Variants in CCDC134 observed in about 807,000 individuals in gnomAD.
CCDC134 encodes the protein coiled-coil domain-containing protein 134.
CCDC134 carries 27 observed loss-of-function variants against 25.6 expected under a neutral mutation model. The observed-to-expected ratio is 1.05, with a 90% CI of 0.78 to 1.45. CCDC134 has a LOEUF of 1.45. CCDC134 is among the 40% of genes most tolerant of loss of function. The pLI, the probability that CCDC134 is intolerant of heterozygous loss-of-function variation, is 0.00. For synonymous variants in CCDC134, 110 were observed against 115.0 expected (o/e 0.96, Z 0.28); for missense variants, 261 against 286.7 (o/e 0.91, Z 0.65).
At chr22:41,811,590 G>A (rs1385854786) in intron 4 of CCDC134, among the ~76,000 whole-genome samples, 1 of 151,982 alleles carries the variant, frequency 6.6e-6, no homozygotes, top group Non-Finnish European at 1.5e-5. Context: ...CCCCAGGCCC[G>A]GCTAATTTTT....
chr22:41,814,582 G>A (rs1045458007), intron 6 of CCDC134, among the ~76,000 whole-genome samples: 2 of 151,942 alleles, frequency 1.3e-5, no homozygotes, highest in African/African-American at 4.8e-5. Flanking sequence ...AAAAAAAAGG[G>A]GGGACAGATA....
Position 41,825,722 on chromosome 22 carries a change from C to A in CCDC134, c.589C>A (p.Gln197Lys). 1 of 1,614,122 alleles carries A rather than the reference C, an allele frequency of 6.2e-7. No homozygotes were observed. The highest frequency in any genetic ancestry group is 8.5e-7 in the Non-Finnish European group (1 of 1,180,000). The change falls in exon 7 of 7, where the codon CAG (glutamine) becomes AAG (lysine). Residue 197 changes from glutamine to lysine, a missense_variant. Transcript: ENST00000255784. The surrounding 1 kb of genome is among the most constrained non-coding windows in gnomAD (Gnocchi z 4.4). ...TEFIPSTDPF[Q>K]KALREEEKRR... ...GTTCATTCCCAGCACTGACCCTTTC[C>A]AGAAGGCCCTGAGAGAAGAAGAGAA...
In CCDC134 at chr22:41,829,110, C is replaced by T. The variant is rs538647463; in HGVS notation, c.*3287C>T. ...GGTGCCTGTAGCAGTCCCCCAGTTA[C>T]GACAACCAAAAATGTGTCCAGACAT... On this transcript the variant is annotated 3_prime_UTR_variant, in exon 7 of 7. Transcript: ENST00000255784. 3.3e-5 allele frequency among the ~76,000 whole-genome samples: 5 copies of T among 152,274 alleles called. No homozygotes were observed. Among genetic ancestry groups the T allele is most frequent in the South Asian group, 4.2e-4 (2 of 4,818 alleles).
chr22:41,818,821 G>A (rs1426922720), intron 6 of CCDC134, among the ~76,000 whole-genome samples: 1 of 152,224 alleles, frequency 6.6e-6, no homozygotes, highest in Non-Finnish European at 1.5e-5. Flanking sequence ...AAACATGTGT[G>A]GACACTCAAG....
At position 41,830,022 on chromosome 22, in the gene CCDC134, C is replaced by T. The variant is rs935211150; in HGVS notation, c.*4199C>T. Among the ~76,000 whole-genome samples the T allele has an allele frequency of 2.6e-5, 4 of 152,182 alleles. No individual in the cohort carries two copies. Among genetic ancestry groups the T allele is most frequent in the East Asian group, 1.9e-4 (1 of 5,196 alleles). On this transcript the variant is annotated 3_prime_UTR_variant, in exon 7 of 7. Coordinates refer to ENST00000255784, the MANE Select transcript of CCDC134 (RefSeq NM_024821.5). ...TCTTGACTTCGTGATCTGCCTGCCT[C>T]GGCCTCCTAAAGTGCTGGGATTACA... is the stretch of plus-strand genomic sequence containing the variant.
At chr22:41,818,835 A>G (rs1433567570) in intron 6 of CCDC134, among the ~76,000 whole-genome samples, 2 of 152,252 alleles carry the variant, frequency 1.3e-5, no homozygotes, top group Non-Finnish European at 2.9e-5. Flanking sequence ...ACTCAAGGCC[A>G]TGGCAGATTG....
chr22:41,818,025 T>C (rs1310503821), intron 6 of CCDC134, among the ~76,000 whole-genome samples: 2 of 152,082 alleles, frequency 1.3e-5, no homozygotes, highest in African/African-American at 2.4e-5. Context: ...CTCCCAGGCT[T>C]GATGGTTCAA....
rs2076689728 is a variant in CCDC134, at chr22:41,828,452, G to A, written c.*2629G>A. ...AACTATCTCCTCATCTGCCCCTTCTGGCACCTCCTTCCTCCTGGGCTCTTT... is the reference window on the plus strand; with the variant it reads ...AACTATCTCCTCATCTGCCCCTTCTAGCACCTCCTTCCTCCTGGGCTCTTT... On this transcript the variant is annotated 3_prime_UTR_variant, in exon 7 of 7. Transcript: ENST00000255784. Among the ~76,000 whole-genome samples, 1 of 152,088 alleles carries A rather than the reference G, an allele frequency of 6.6e-6. No individual in the cohort carries two copies. Among genetic ancestry groups the A allele is most frequent in the African/African-American group, 2.4e-5 (1 of 41,392 alleles).
At chr22:41,804,445 A>G (rs2076558546) in intron 1 of CCDC134, among the ~76,000 whole-genome samples, 2 of 152,220 alleles carry the variant, frequency 1.3e-5, no homozygotes, top group South Asian at 4.1e-4. Context: ...CCAGTATACA[A>G]GTAGATAATG....
intron 6 of CCDC134, among the ~76,000 whole-genome samples, chr22:41,821,023 C>T (rs567463317): frequency 1.4e-4 from 21 of 152,224 alleles, no homozygotes; most frequent in East Asian, 7.7e-4. Context: ...AGCGAGAACC[C>T]GCAGAAGGAG....
chr22:41,810,899 G>T (rs146928290), intron 4 of CCDC134, among the ~76,000 whole-genome samples: 220 of 152,226 alleles, frequency 1.4e-3, no homozygotes, highest in Non-Finnish European at 2.4e-3. Flanking sequence ...TAACTCTGGG[G>T]GAAGACACTG....
chr22:41,827,611 A>T lies in CCDC134; in HGVS notation c.*1788A>T, dbSNP rs2076685790. On this transcript the variant is annotated 3_prime_UTR_variant, in exon 7 of 7. Coordinates refer to ENST00000255784, the MANE Select transcript of CCDC134 (RefSeq NM_024821.5). ...TACCCACTAGAGGATTCCATTGGTTACTTGAGGTACACCCTATGTAAATGG... is the reference window on the plus strand; with the variant it reads ...TACCCACTAGAGGATTCCATTGGTTTCTTGAGGTACACCCTATGTAAATGG... Among the ~76,000 whole-genome samples, 1 of 152,242 alleles carries T rather than the reference A, an allele frequency of 6.6e-6. No homozygotes were observed. Among genetic ancestry groups the T allele is most frequent in the African/African-American group, 2.4e-5 (1 of 41,466 alleles).
chr22:41,816,300 C>T (rs1296536355), intron 6 of CCDC134, among the ~76,000 whole-genome samples: 1 of 152,188 alleles, frequency 6.6e-6, no homozygotes, highest in Admixed American at 6.5e-5. Flanking sequence ...TGGTATAATC[C>T]AAGGCTACTC....
intron 4 of CCDC134, among the ~76,000 whole-genome samples, chr22:41,811,085 G>A (rs896184757): frequency 6.6e-5 from 10 of 152,206 alleles, no homozygotes; most frequent in South Asian, 2.1e-4. Context: ...ATCTTTCTGC[G>A]TGGCCTCTTA....
intron 1 of CCDC134, among the ~76,000 whole-genome samples, chr22:41,804,320 A>C (rs7292782): frequency 0.74 from 111,908 of 152,000 alleles, 41,783 homozygotes; most frequent in African/African-American, 0.83. Context: ...CAAGGCTTGT[A>C]CCTTAAAGTT....
Position 41,813,131 on chromosome 22 carries a change from G to C in CCDC134, c.311-133G>C, listed in dbSNP as rs2076605013. ...GCACTGTACATGTGATTGGCAGCCT[G>C]TGGTCAGTAGGCACTGTTCCTTCCT... On this transcript the variant is annotated intron_variant, in intron 4 of 6. Coordinates refer to ENST00000255784, the MANE Select transcript of CCDC134 (RefSeq NM_024821.5). 2.4e-6 allele frequency: 2 copies of C among 830,996 alleles called. 1 individual carries two copies. Among genetic ancestry groups the C allele is most frequent in the South Asian group, 3.2e-5 (2 of 62,860 alleles). The allele number at this position is 830,996 out of a possible 1,614,324, so 51.5% of individuals were successfully genotyped here.
chr22:41,809,090 C>A, intron 2 of CCDC134, 97 bp downstream of exon 2: 2 of 1,010,588 alleles, frequency 2.0e-6, no homozygotes, highest in South Asian at 1.5e-5. Flanking sequence ...GCCCAGCTGG[C>A]GGGAACAGGG....
intron 4 of CCDC134, among the ~76,000 whole-genome samples, chr22:41,811,924 T>A (rs2076598326): frequency 6.6e-6 from 1 of 152,216 alleles, no homozygotes; most frequent in South Asian, 2.1e-4. Context: ...TCAGCCATTA[T>A]GGCTTCAAGA....
rs1380497846 is a variant in CCDC134, at chr22:41,815,534, T to G, written c.564+1712T>G. Among the ~76,000 whole-genome samples, 6 of 152,272 alleles carry G rather than the reference T, an allele frequency of 3.9e-5. No homozygotes were observed. In the East Asian group the frequency reaches 7.7e-4, roughly 20 times the overall value. On this transcript the variant is annotated intron_variant, in intron 6 of 6. Coordinates refer to ENST00000255784, the MANE Select transcript of CCDC134 (RefSeq NM_024821.5). The stretch of plus-strand genomic sequence containing the variant: ...TCAAATTTTCACACGAATGTGCTAT[T>G]CAGTCTGATTGATCTGACTGATAGA...
Sources: gnomAD v4.1 joint callset for allele counts (sites outside exome capture counted in the v4.1 genomes callset) on GRCh38, gnomAD v4.1.1 for gene constraint, Gnocchi (gnomAD v3.1) non-coding constraint, MANE v1.5 for transcripts, NCBI Gene and HGNC (gene_info 2026-07-23, HGNC 2026-07-21) for gene names.